Variants in CDK19 observed in about 807,000 individuals in gnomAD.
CDK19 encodes cyclin-dependent kinase 19.
In CDK19, 20 loss-of-function variants were observed where a neutral mutation model predicts 68.3. The observed-to-expected ratio is 0.29, with a 90% CI of 0.21 to 0.43. CDK19 has a LOEUF of 0.43. Ranked by LOEUF, CDK19 falls within the 20% of genes least tolerant of loss-of-function variation. The probability of loss-of-function intolerance (pLI) is 1.00; values close to 1 mark genes in which losing one functional copy is unlikely to be tolerated. For missense variants in CDK19, 339 were observed against 623.5 expected (o/e 0.54, Z 4.86); for synonymous variants, 221 against 222.8 (o/e 0.99, Z 0.07).
chr6:110,804,861 C>T (rs996129035), intron 1 of CDK19, among the ~76,000 whole-genome samples: 1 of 151,520 alleles, frequency 6.6e-6, no homozygotes, highest in African/African-American at 2.4e-5. Flanking sequence ...GAGACTGAGG[C>T]AGTAGAATGG....
intron 2 of CDK19, among the ~76,000 whole-genome samples, chr6:110,709,036 A>G (rs1201288230): frequency 6.6e-6 from 1 of 152,214 alleles, no homozygotes; most frequent in African/African-American, 2.4e-5. Flanking sequence ...TACGCAAATC[A>G]ATAAATGTAA....
intron 12 of CDK19, among the ~76,000 whole-genome samples, chr6:110,614,999 C>T (rs1016042578): frequency 1.3e-5 from 2 of 152,072 alleles, no homozygotes; most frequent in Admixed American, 6.6e-5. Context: ...ATAACTGAGA[C>T]GTGCAAACAA....
At chr6:110,646,275 C>T in intron 4 of CDK19, 1 of 1,506,852 alleles carries the variant, frequency 6.6e-7, no homozygotes, top group East Asian at 2.5e-5. Flanking sequence ...CGTGTGCTGC[C>T]CCGCCAACAT....
At chr6:110,725,467 G>C (rs950883561) in intron 2 of CDK19, among the ~76,000 whole-genome samples, 1 of 152,068 alleles carries the variant, frequency 6.6e-6, no homozygotes, top group Non-Finnish European at 1.5e-5. Flanking sequence ...CATAAAATGG[G>C]TAACACAATT....
At chr6:110,731,005 T>C (rs973811080) in intron 2 of CDK19, among the ~76,000 whole-genome samples, 1 of 149,786 alleles carries the variant, frequency 6.7e-6, no homozygotes, top group Non-Finnish European at 1.5e-5. Flanking sequence ...TGAGCTGAGA[T>C]AGCACCATTG....
chr6:110,673,263 A>T (rs1000640420), intron 2 of CDK19, among the ~76,000 whole-genome samples: 1 of 152,094 alleles, frequency 6.6e-6, no homozygotes, highest in Non-Finnish European at 1.5e-5. Flanking sequence ...TTTGTGTTGT[A>T]GCATGTATGA....
chr6:110,641,165 A>T (rs927922469), intron 4 of CDK19, among the ~76,000 whole-genome samples: 2 of 152,190 alleles, frequency 1.3e-5, no homozygotes, highest in Non-Finnish European at 2.9e-5. Context: ...TACTAGAAAA[A>T]AAAAACTATT....
At chr6:110,652,986 T>C (rs772229027) in intron 4 of CDK19, among the ~76,000 whole-genome samples, 1 of 152,112 alleles carries the variant, frequency 6.6e-6, no homozygotes, top group Non-Finnish European at 1.5e-5. Flanking sequence ...GAAGGGCTCC[T>C]GTAGTCAAGT....
At chr6:110,729,190 C>T (rs1453347792) in intron 2 of CDK19, among the ~76,000 whole-genome samples, 1 of 152,066 alleles carries the variant, frequency 6.6e-6, no homozygotes, top group African/African-American at 2.4e-5. Context: ...AGGACAGGAA[C>T]CTAAATCTGT....
intron 1 of CDK19, among the ~76,000 whole-genome samples, chr6:110,784,249 A>G (rs1279048276): frequency 1.3e-5 from 2 of 152,126 alleles, no homozygotes; most frequent in African/African-American, 4.8e-5. Context: ...TACATCACAT[A>G]AGAGCACAAT....
intron 4 of CDK19, chr6:110,645,703 G>A (rs776515272): frequency 3.7e-5 from 15 of 405,608 alleles, no homozygotes; most frequent in Non-Finnish European, 5.3e-5. Flanking sequence ...CCGAACTCTT[G>A]ACGACGGCTG....
rs1779090476 is a variant in CDK19 at position 110,626,396 on chromosome 6, A to T, written c.860+380T>A. 2.0e-5 allele frequency among the ~76,000 whole-genome samples: 3 copies of T among 152,188 alleles called. No homozygotes were observed. The South Asian group carries it at 6.2e-4, about 32-fold the overall frequency. On this transcript the variant is annotated intron_variant, in intron 8 of 12. Coordinates refer to ENST00000368911, the MANE Select transcript of CDK19 (RefSeq NM_015076.5). ...TTACTACCTATAATTAATGTACACT[A>T]TGGTTTGAATGTTTATGTCCCCTCC... is the stretch of plus-strand genomic sequence containing the variant.
intron 2 of CDK19, among the ~76,000 whole-genome samples, chr6:110,696,158 G>C (rs1773464015): frequency 6.6e-6 from 1 of 152,130 alleles, no homozygotes; most frequent in African/African-American, 2.4e-5. Flanking sequence ...CCATGATCAA[G>C]TGGGTTCATA....
At chr6:110,629,940 T>C (rs1245846199) in intron 6 of CDK19, among the ~76,000 whole-genome samples, 1 of 152,214 alleles carries the variant, frequency 6.6e-6, no homozygotes. Context: ...TCATTTTTCC[T>C]TACCCTGAGG....
In CDK19 at chr6:110,702,422, G is replaced by A. The variant is rs144367082; in HGVS notation, c.205-31881C>T. On this transcript the variant is annotated intron_variant, in intron 2 of 12. Coordinates refer to ENST00000368911, the MANE Select transcript of CDK19 (RefSeq NM_015076.5). ...TGACTGTGCCACTGCACTGCAGCCC[G>A]GGCAACATAGTAAAACCCCAGCTCT... 5.7e-3 allele frequency among the ~76,000 whole-genome samples: 853 copies of A among 150,610 alleles called. 5 individuals carry two copies. The highest frequency in any genetic ancestry group is 0.02 in the African/African-American group (801 of 40,998).
At chr6:110,652,929 T>C (rs1781068225) in intron 4 of CDK19, among the ~76,000 whole-genome samples, 1 of 152,182 alleles carries the variant, frequency 6.6e-6, no homozygotes, top group South Asian at 2.1e-4. Context: ...ATGAGCTCTT[T>C]TGCACAGTTT....
chr6:110,782,641 T>A (rs1780902351), intron 1 of CDK19, among the ~76,000 whole-genome samples: 1 of 152,172 alleles, frequency 6.6e-6, no homozygotes, highest in African/African-American at 2.4e-5. Context: ...ATTACTTGTT[T>A]GCATGTTATG....
chr6:110,764,522 T>G (rs1205823178), intron 1 of CDK19, among the ~76,000 whole-genome samples: 1 of 152,172 alleles, frequency 6.6e-6, no homozygotes, highest in Admixed American at 6.6e-5. Flanking sequence ...TGTTTCAACA[T>G]ACAGTGCTAG....
chr6:110,705,494 A>C (rs1013947697), intron 2 of CDK19, among the ~76,000 whole-genome samples: 1 of 152,210 alleles, frequency 6.6e-6, no homozygotes, highest in Non-Finnish European at 1.5e-5. Flanking sequence ...GAGATTGCCC[A>C]GAAGCATTGT....
Sources: gnomAD v4.1 joint callset for allele counts (sites outside exome capture counted in the v4.1 genomes callset) on GRCh38, gnomAD v4.1.1 for gene constraint, MANE v1.5 for transcripts, NCBI Gene and HGNC (gene_info 2026-07-23, HGNC 2026-07-21) for gene names.